Variants in GABRA1 observed in about 807,000 individuals in gnomAD.
GABRA1 encodes the protein gamma-aminobutyric acid receptor subunit alpha-1.
GABRA1 carries 9 observed loss-of-function variants against 48.9 expected under a neutral mutation model. The ratio of observed to expected loss-of-function variants is 0.18; its 90% CI spans 0.11 to 0.32. The LOEUF (loss-of-function observed/expected upper bound fraction) is 0.32, where lower values mean the gene tolerates loss of function less well. Ranked by LOEUF, GABRA1 falls within the 10% of genes least tolerant of loss-of-function variation. GABRA1 has a pLI of 1.00. For missense variants in GABRA1, 285 were observed against 553.8 expected (o/e 0.51, Z 4.87); for synonymous variants, 210 against 198.7 (o/e 1.06, Z -0.48).
chr5:161,891,881 T>A (rs1755106692), intron 8 of GABRA1, among the ~76,000 whole-genome samples: 1 of 152,186 alleles, frequency 6.6e-6, no homozygotes, highest in South Asian at 2.1e-4. Flanking sequence ...AATCATAAAA[T>A]CAAATGCTTT....
intron 3 of GABRA1, among the ~76,000 whole-genome samples, chr5:161,857,912 T>C (rs1400127926): frequency 6.7e-6 from 1 of 149,848 alleles, no homozygotes; most frequent in African/African-American, 2.5e-5. Context: ...ACCTAAAGCA[T>C]GGTCAGTGTA....
intron 2 of GABRA1, 57 bp downstream of exon 2, chr5:161,850,941 T>C: frequency 7.0e-7 from 1 of 1,436,622 alleles, no homozygotes; most frequent in Non-Finnish European, 9.8e-7. Flanking sequence ...TCATTTATTT[T>C]ATCGGGGGAA....
At chr5:161,848,868 T>C (rs1757325446) in intron 1 of GABRA1, 2 of 419,552 alleles carry the variant, frequency 4.8e-6, no homozygotes, top group East Asian at 8.2e-5. Flanking sequence ...ACGGAAAACC[T>C]GTCTCACTGT....
intron 7 of GABRA1, 96 bp from the exon 8 acceptor site, chr5:161,890,802 T>C: frequency 1.8e-6 from 2 of 1,116,146 alleles, no homozygotes; most frequent in Non-Finnish European, 2.7e-6. Context: ...AAAGGATGTG[T>C]CTAATTCCCA....
At position 161,865,662 on chromosome 5, in the gene GABRA1, G is replaced by A. The variant is rs367738515; in HGVS notation, c.188-59G>A. On this transcript the variant is annotated intron_variant, in intron 3 of 9. Coordinates refer to ENST00000393943, the MANE Select transcript of GABRA1 (RefSeq NM_001127644.2). The stretch of plus-strand genomic sequence containing the variant: ...CCCATTTGGGTGTCAGTATGTGGTG[G>A]TGAGATCTAATAAGGACGGTTGACA... 107 of 1,340,524 alleles carry A rather than the reference G, an allele frequency of 8.0e-5. No individual in the cohort carries two copies. In the African/African-American group the frequency reaches 1.3e-3, roughly 16 times the overall value. 83.0% of individuals were successfully genotyped at this position (1,340,524 alleles called of 1,614,324 possible).
At chr5:161,852,254 G>T (rs958610305) in intron 2 of GABRA1, among the ~76,000 whole-genome samples, 2 of 151,978 alleles carry the variant, frequency 1.3e-5, no homozygotes, top group African/African-American at 4.8e-5. Flanking sequence ...AAACCAGGAA[G>T]AAAAGCATTT....
chr5:161,877,351 A>G (rs1754404582), intron 6 of GABRA1, among the ~76,000 whole-genome samples: 1 of 152,064 alleles, frequency 6.6e-6, no homozygotes, highest in Admixed American at 6.6e-5. Context: ...CAGTGAGAAT[A>G]GCTGAAAAAA....
intron 6 of GABRA1, 160 bp from the exon 7 acceptor site, chr5:161,882,398 C>T (rs140461840): frequency 2.0e-5 from 13 of 661,164 alleles, no homozygotes; most frequent in African/African-American, 1.8e-4. Flanking sequence ...AATCAGAAAA[C>T]GTGTTTTAGT....
intron 3 of GABRA1, among the ~76,000 whole-genome samples, chr5:161,856,748 A>G (rs1415602219): frequency 6.6e-6 from 1 of 151,184 alleles, no homozygotes; most frequent in Non-Finnish European, 1.5e-5. Context: ...ACTTATATCT[A>G]CAGAGTCATC....
intron 7 of GABRA1, among the ~76,000 whole-genome samples, chr5:161,885,894 A>G (rs1244358126): frequency 6.6e-6 from 1 of 152,168 alleles, no homozygotes; most frequent in Non-Finnish European, 1.5e-5. Flanking sequence ...TTGTTCATTT[A>G]CTGTGTCTGA....
intron 7 of GABRA1, among the ~76,000 whole-genome samples, chr5:161,883,169 T>C (rs1211820415): frequency 2.6e-5 from 4 of 152,158 alleles, no homozygotes; most frequent in African/African-American, 7.2e-5. Context: ...TTAATGAATT[T>C]TGCTAAATTT....
chr5:161,870,944 CTCTGTG>C (rs1470032716), intron 4 of GABRA1, among the ~76,000 whole-genome samples: 6 of 128,152 alleles, frequency 4.7e-5, no homozygotes, highest in African/African-American at 1.8e-4. Context: ...GCGAGTGTTG[CTCTGTG>C]TGTGTGTGTG....
chr5:161,890,266 G>A (rs577087294), intron 7 of GABRA1, among the ~76,000 whole-genome samples: 1 of 151,984 alleles, frequency 6.6e-6, no homozygotes, highest in Non-Finnish European at 1.5e-5. Context: ...TTCAAAGAAT[G>A]GTTTGTAAAT....
intron 4 of GABRA1, among the ~76,000 whole-genome samples, chr5:161,867,845 T>A (rs1753939875): frequency 6.6e-6 from 1 of 152,126 alleles, no homozygotes. Flanking sequence ...ATAAAATACC[T>A]TTTAGCTTTC....
At chr5:161,869,331 T>C (rs1357909255) in intron 4 of GABRA1, among the ~76,000 whole-genome samples, 4 of 152,192 alleles carry the variant, frequency 2.6e-5, no homozygotes, top group Non-Finnish European at 5.9e-5. Context: ...ACCTTTTAGC[T>C]AAGTATTATT....
chr5:161,882,374 G>C (rs1252987637), intron 6 of GABRA1, 184 bp from the exon 7 acceptor site: 2 of 473,444 alleles, frequency 4.2e-6, no homozygotes, highest in Non-Finnish European at 6.9e-6. Flanking sequence ...GTGAATAAAT[G>C]ACTAAAAAAA....
At chr5:161,874,096 G>A (rs965546523) in intron 5 of GABRA1, among the ~76,000 whole-genome samples, 2 of 151,542 alleles carry the variant, frequency 1.3e-5, no homozygotes, top group Admixed American at 1.3e-4. Flanking sequence ...TGTTAGATAC[G>A]AGTTTTTTAC....
At chr5:161,887,650 G>T (rs1404064953) in intron 7 of GABRA1, among the ~76,000 whole-genome samples, 1 of 152,028 alleles carries the variant, frequency 6.6e-6, no homozygotes, top group Non-Finnish European at 1.5e-5. Flanking sequence ...AGTATCCATA[G>T]AAAACACCAA....
chr5:161,858,932 A>G (rs867169051), intron 3 of GABRA1, among the ~76,000 whole-genome samples: 1 of 151,836 alleles, frequency 6.6e-6, no homozygotes, highest in Non-Finnish European at 1.5e-5. Context: ...AAGGAAACAG[A>G]GATGATTGTG....
Sources: allele counts gnomAD v4.1 joint callset (sites outside exome capture counted in the v4.1 genomes callset), GRCh38; gene constraint gnomAD v4.1.1; transcripts MANE v1.5; gene names NCBI Gene and HGNC (gene_info 2026-07-23, HGNC 2026-07-21).